The following GRK5 variants were observed in gnomAD, a reference collection of about 807,000 sequenced individuals.
GRK5 encodes G protein-coupled receptor kinase 5, also known as g protein-coupled receptor kinase GRK5.
Under a neutral mutation model 78.4 loss-of-function variants are expected in GRK5, and 40 were observed. That is an observed-to-expected ratio of 0.51 (90% CI 0.40 to 0.66). The LOEUF is 0.66. Ranked by LOEUF, GRK5 falls within the 30% of genes least tolerant of loss-of-function variation. The pLI, the probability that GRK5 is intolerant of heterozygous loss-of-function variation, is 0.00. For synonymous variants in GRK5, 289 were observed against 296.8 expected, an observed-to-expected ratio of 0.97 and a Z score of 0.27; for missense variants, 598 against 759.9, an observed-to-expected ratio of 0.79 and a Z score of 2.50.
chr10:119,357,812 C>A (rs577682739), intron 2 of GRK5, among the ~76,000 whole-genome samples: 1 of 149,790 alleles, frequency 6.7e-6, no homozygotes, highest in East Asian at 2.0e-4. Context: ...TGTCTCTGGT[C>A]TTCTCCAACA....
At chr10:119,252,516 G>A (rs1564864455) in intron 1 of GRK5, among the ~76,000 whole-genome samples, 1 of 152,108 alleles carries the variant, frequency 6.6e-6, no homozygotes, top group Admixed American at 6.6e-5. Flanking sequence ...GCACTGGACC[G>A]GGTGTCTCGA....
chr10:119,268,464 A>G (rs1277224454), intron 1 of GRK5, among the ~76,000 whole-genome samples: 30 of 152,152 alleles, frequency 2.0e-4, no homozygotes, highest in South Asian at 2.1e-4. Context: ...TCCTTTTGCT[A>G]CTTTTGTTGC....
At chr10:119,290,359 A>AAAAAAAAAAAACAAAAC (rs1554903184) in intron 1 of GRK5, among the ~76,000 whole-genome samples, 3 of 142,468 alleles carry the variant, frequency 2.1e-5, no homozygotes, top group African/African-American at 8.2e-5. Context: ...AAAAAAAAAA[A>AAAAAAAAAAAACAAAAC]AAAACAAAAA....
chr10:119,420,345 C>CAAAAAAAAAAA (rs869198771), intron 4 of GRK5, among the ~76,000 whole-genome samples: 1 of 71,168 alleles, frequency 1.4e-5, no homozygotes, highest in Non-Finnish European at 3.8e-5. Context: ...CTAAAACAAA[C>CAAAAAAAAAAA]AAACAAACAA....
chr10:119,364,805 A>G (rs1325101894), intron 2 of GRK5, among the ~76,000 whole-genome samples: 1 of 152,218 alleles, frequency 6.6e-6, no homozygotes, highest in Non-Finnish European at 1.5e-5. Flanking sequence ...AGTAAGCATA[A>G]GAGGTTCCAG....
chr10:119,242,491 C>T (rs1278905569), intron 1 of GRK5, among the ~76,000 whole-genome samples: 1 of 150,430 alleles, frequency 6.6e-6, no homozygotes, highest in African/African-American at 2.5e-5. Context: ...CAGTGCTCTC[C>T]TGCATCCAAG....
At chr10:119,435,041 C>A (rs1246807699) in intron 8 of GRK5, among the ~76,000 whole-genome samples, 1 of 152,238 alleles carries the variant, frequency 6.6e-6, no homozygotes, top group Non-Finnish European at 1.5e-5. Context: ...ACTGCATTGG[C>A]CCCTTTCAGC....
At chr10:119,394,152 GTCTGTGTGTGGGTTT>G (rs1851941606) in intron 3 of GRK5, among the ~76,000 whole-genome samples, 4 of 146,090 alleles carry the variant, frequency 2.7e-5, no homozygotes, top group African/African-American at 2.6e-5. Flanking sequence ...GGGTATGTGT[GTCTGTGTGTGGGTTT>G]GAGTGTGTGT....
At chr10:119,380,078 T>C (rs925812023) in intron 2 of GRK5, among the ~76,000 whole-genome samples, 4 of 152,162 alleles carry the variant, frequency 2.6e-5, no homozygotes, top group Non-Finnish European at 5.9e-5. Context: ...TTTTCTCCAG[T>C]TGGGCAAAAA....
At chr10:119,269,055 T>TG (rs1477367939) in intron 1 of GRK5, among the ~76,000 whole-genome samples, 2 of 152,370 alleles carry the variant, frequency 1.3e-5, no homozygotes, top group African/African-American at 2.4e-5. Flanking sequence ...AGGGTAGATT[T>TG]GGGGGCCTCT....
chr10:119,219,388 A>G (rs1301856083), intron 1 of GRK5, among the ~76,000 whole-genome samples: 1 of 152,190 alleles, frequency 6.6e-6, no homozygotes, highest in Non-Finnish European at 1.5e-5. Flanking sequence ...TCTTTGCAAC[A>G]TTTTGGATTT....
chr10:119,241,749 C>A (rs890781068), intron 1 of GRK5, among the ~76,000 whole-genome samples: 1 of 152,102 alleles, frequency 6.6e-6, no homozygotes, highest in Non-Finnish European at 1.5e-5. Flanking sequence ...GAGGAAGAGC[C>A]GTTTTCCTCC....
At chr10:119,302,509 G>A (rs1157790829) in intron 1 of GRK5, among the ~76,000 whole-genome samples, 3 of 152,142 alleles carry the variant, frequency 2.0e-5, no homozygotes, top group Admixed American at 6.5e-5. Context: ...CTTTTTCTTC[G>A]CAGGCTGCAT....
intron 2 of GRK5, among the ~76,000 whole-genome samples, chr10:119,328,380 A>G (rs573224816): frequency 6.9e-4 from 105 of 152,134 alleles, no homozygotes; most frequent in African/African-American, 2.5e-3. Flanking sequence ...ATGGGGGACC[A>G]TTTTGTTCTT....
At chr10:119,259,502 G>A (rs1318447018) in intron 1 of GRK5, among the ~76,000 whole-genome samples, 1 of 152,214 alleles carries the variant, frequency 6.6e-6, no homozygotes, top group Non-Finnish European at 1.5e-5. Flanking sequence ...AGAAAAATTG[G>A]TTGGTGAGTT....
chr10:119,310,288 C>T (rs1008148015), intron 1 of GRK5, among the ~76,000 whole-genome samples: 5 of 152,148 alleles, frequency 3.3e-5, no homozygotes, highest in African/African-American at 1.2e-4. Context: ...ACAGAATTGC[C>T]ACAGTTGCAG....
At chr10:119,290,665 C>A (rs1589724675) in intron 1 of GRK5, among the ~76,000 whole-genome samples, 1 of 152,016 alleles carries the variant, frequency 6.6e-6, no homozygotes, top group South Asian at 2.1e-4. Context: ...GAATGTTGTC[C>A]TGTCCTCTTC....
intron 2 of GRK5, among the ~76,000 whole-genome samples, chr10:119,364,012 T>TAG (rs1439226220): frequency 1.3e-5 from 2 of 152,206 alleles, no homozygotes; most frequent in African/African-American, 4.8e-5. Context: ...GGAGGACATC[T>TAG]AGGTCAGCAT....
At chr10:119,209,856 G>A (rs1265250945) in intron 1 of GRK5, among the ~76,000 whole-genome samples, 1 of 152,154 alleles carries the variant, frequency 6.6e-6, no homozygotes, top group African/African-American at 2.4e-5. Flanking sequence ...TTGCCTGATA[G>A]ATGCTTTTTT....
Sources: gnomAD v4.1 joint callset for allele counts (sites outside exome capture counted in the v4.1 genomes callset) on GRCh38, gnomAD v4.1.1 for gene constraint, MANE v1.5 for transcripts, NCBI Gene and HGNC (gene_info 2026-07-23, HGNC 2026-07-21) for gene names.